GRIN2A: variants seen among roughly 807,000 people sequenced by gnomAD.
GRIN2A encodes glutamate receptor ionotropic, NMDA 2A.
GRIN2A carries 22 observed loss-of-function variants against 113.4 expected under a neutral mutation model. That is an observed-to-expected ratio of 0.19 (90% CI 0.14 to 0.28). GRIN2A has a LOEUF of 0.28. Among genes scored for constraint, GRIN2A ranks in the 10% least tolerant of loss-of-function variants. The probability of loss-of-function intolerance (pLI) is 1.00; values close to 1 mark genes in which losing one functional copy is unlikely to be tolerated. For missense variants in GRIN2A, 1,502 were observed against 1,887.0 expected, an observed-to-expected ratio of 0.80 and a Z score of 3.78; for synonymous variants, 827 against 738.4, an observed-to-expected ratio of 1.12 and a Z score of -1.94.
chr16:9,850,114 G>A (rs1182496685), intron 4 of GRIN2A, among the ~76,000 whole-genome samples, 153 bp from the exon 5 acceptor site: 1 of 152,132 alleles, frequency 6.6e-6, no homozygotes, highest in South Asian at 2.1e-4. Context: ...TAAGACAAAC[G>A]GGCATAAAGA....
At chr16:10,072,816 C>T (rs1276825075) in intron 2 of GRIN2A, among the ~76,000 whole-genome samples, 1 of 152,078 alleles carries the variant, frequency 6.6e-6, no homozygotes, top group African/African-American at 2.4e-5. Flanking sequence ...TCTGTGCTCA[C>T]TGAAGTTTGG....
intron 2 of GRIN2A, among the ~76,000 whole-genome samples, chr16:9,974,541 G>A (rs936893349): frequency 2.6e-5 from 4 of 152,166 alleles, no homozygotes; most frequent in South Asian, 2.1e-4. Flanking sequence ...TTGCTCAGTC[G>A]GGGAGCTCAA....
rs1353328664 is a variant in GRIN2A, at chr16:9,813,295, C to G, written c.2168+8969G>C. ...AAGCAAAACAAATTTGCATATGCACCGACTCAACTTGTATGAATTGTATAT... is the reference window on the plus strand; with the variant it reads ...AAGCAAAACAAATTTGCATATGCACGGACTCAACTTGTATGAATTGTATAT... On this transcript the variant is annotated intron_variant, in intron 10 of 12. Coordinates refer to ENST00000330684, the MANE Select transcript of GRIN2A (RefSeq NM_001134407.3). 2.0e-5 allele frequency among the ~76,000 whole-genome samples: 3 copies of G among 152,050 alleles called. No individual in the cohort carries two copies. The East Asian group carries it at 5.8e-4, about 29-fold the overall frequency.
At chr16:9,952,025 A>G (rs965823162) in intron 2 of GRIN2A, among the ~76,000 whole-genome samples, 1 of 152,042 alleles carries the variant, frequency 6.6e-6, no homozygotes, top group Non-Finnish European at 1.5e-5. Flanking sequence ...GGTATTTCAT[A>G]TTTGCTGCAA....
chr16:10,143,176 G>A (rs1027655184), intron 2 of GRIN2A, among the ~76,000 whole-genome samples: 19 of 152,160 alleles, frequency 1.2e-4, no homozygotes, highest in African/African-American at 4.3e-4. Context: ...TCCAGGCACT[G>A]ACTAACTCTG....
At position 9,906,916 on chromosome 16, in the gene GRIN2A, C is replaced by T. The variant is rs1159715984; in HGVS notation, c.1008-15816G>A. On this transcript the variant is annotated intron_variant, in intron 3 of 12. Coordinates refer to ENST00000330684, the MANE Select transcript of GRIN2A (RefSeq NM_001134407.3). Reference sequence around the variant, plus strand: ...GGAGTGCAGTGGCACAATCACAGCTCACTGCGGCCTCAACCTCCGGGGCTC... The same window carrying T: ...GGAGTGCAGTGGCACAATCACAGCTTACTGCGGCCTCAACCTCCGGGGCTC... Among the ~76,000 whole-genome samples, 3 of 152,190 alleles carry T rather than the reference C, an allele frequency of 2.0e-5. 1 individual carries two copies. Among genetic ancestry groups the T allele is most frequent in the South Asian group, 4.1e-4 (2 of 4,822 alleles).
At position 10,137,570 on chromosome 16, in the gene GRIN2A, A is replaced by T. The variant is rs532358018; in HGVS notation, c.414+42428T>A. 1.6e-3 allele frequency among the ~76,000 whole-genome samples: 251 copies of T among 152,274 alleles called. 11 individuals are homozygous for T. Among genetic ancestry groups the T allele is most frequent in the Non-Finnish European group, 1.8e-3 (122 of 68,014 alleles). On this transcript the variant is annotated intron_variant, in intron 2 of 12. Coordinates refer to ENST00000330684, the MANE Select transcript of GRIN2A (RefSeq NM_001134407.3). ...TTCAAACTCCATATTCAGGCACTCG[A>T]TTATTCCCGTCAGCTGGCTGTATGG...
At chr16:9,960,527 G>T (rs561778634) in intron 2 of GRIN2A, among the ~76,000 whole-genome samples, 1 of 152,194 alleles carries the variant, frequency 6.6e-6, no homozygotes, top group South Asian at 2.1e-4. Context: ...GCCTAGGTAG[G>T]TAGGGAGAGC....
intron 2 of GRIN2A, among the ~76,000 whole-genome samples, chr16:9,989,695 CAAAT>C (rs1434083420): frequency 2.6e-5 from 4 of 151,790 alleles, no homozygotes; most frequent in South Asian, 2.1e-4. Flanking sequence ...AGAAAAAAAA[CAAAT>C]AACTCCATTA....
In GRIN2A at chr16:9,780,686, C is replaced by T. The variant is rs555146411; in HGVS notation, c.2357-11597G>A. On this transcript the variant is annotated intron_variant, in intron 11 of 12. Transcript: ENST00000330684. ...GGATATTGGGATTTGTGCAATATAA[C>T]GAATGTATGTCATAGTTTATAGAAG... 5.9e-5 allele frequency among the ~76,000 whole-genome samples: 9 copies of T among 151,990 alleles called. No homozygotes were observed. In the South Asian group the frequency reaches 6.2e-4, roughly 11 times the overall value.
At chr16:9,779,060 G>A (rs1901783874) in intron 11 of GRIN2A, among the ~76,000 whole-genome samples, 1 of 152,248 alleles carries the variant, frequency 6.6e-6, no homozygotes, top group East Asian at 1.9e-4. Context: ...CCGAGAAAGA[G>A]AGAATGTGGC....
intron 2 of GRIN2A, among the ~76,000 whole-genome samples, chr16:10,110,366 G>A (rs1299118737): frequency 6.6e-6 from 1 of 152,172 alleles, no homozygotes; most frequent in Non-Finnish European, 1.5e-5. Context: ...AAATAGTTTG[G>A]ATTTTTTAAT....
chr16:10,157,695 G>T (rs2049727490), intron 2 of GRIN2A, among the ~76,000 whole-genome samples: 2 of 152,138 alleles, frequency 1.3e-5, no homozygotes, highest in South Asian at 4.1e-4. Flanking sequence ...ACAGCATGGG[G>T]GAAACAGCCC....
intron 2 of GRIN2A, among the ~76,000 whole-genome samples, chr16:10,075,120 T>C (rs2047843238): frequency 6.6e-6 from 1 of 152,112 alleles, no homozygotes; most frequent in Non-Finnish European, 1.5e-5. Context: ...GGACTTTGCA[T>C]GGGTCCTCTC....
At position 9,854,386 on chromosome 16, in the gene GRIN2A, A is replaced by C. The variant is rs2042934195; in HGVS notation, c.1123-4425T>G. ...AACAGCATCATCCTAACACCATTTT[A>C]AAAAGGGACTCCAGCCACCAGAGTA... On this transcript the variant is annotated intron_variant, in intron 4 of 12. Transcript: ENST00000330684. Among the ~76,000 whole-genome samples, 3 of 152,164 alleles carry C rather than the reference A, an allele frequency of 2.0e-5. No individual in the cohort carries two copies. The East Asian group carries it at 5.8e-4, about 29-fold the overall frequency.
intron 2 of GRIN2A, among the ~76,000 whole-genome samples, chr16:10,066,257 T>C (rs575266779): frequency 8.7e-4 from 132 of 152,254 alleles, no homozygotes; most frequent in African/African-American, 2.9e-3. Flanking sequence ...ACACTGCACA[T>C]CTGGGGAGGG....
chr16:10,114,450 T>C (rs2048689328), intron 2 of GRIN2A, among the ~76,000 whole-genome samples: 1 of 152,180 alleles, frequency 6.6e-6, no homozygotes, highest in African/African-American at 2.4e-5. Context: ...AGGCAGATGC[T>C]GTAGGCCAGT....
At chr16:9,790,516 T>A (rs1465813532) in intron 11 of GRIN2A, among the ~76,000 whole-genome samples, 1 of 152,194 alleles carries the variant, frequency 6.6e-6, no homozygotes, top group Non-Finnish European at 1.5e-5. Context: ...TGCATATATG[T>A]GCCTCATATG....
chr16:9,871,197 C>T (rs1440619386), intron 4 of GRIN2A, among the ~76,000 whole-genome samples: 1 of 152,144 alleles, frequency 6.6e-6, no homozygotes, highest in Non-Finnish European at 1.5e-5. Context: ...TCCACCACTT[C>T]CTCACCTGTC....
Sources: allele counts gnomAD v4.1 joint callset (sites outside exome capture counted in the v4.1 genomes callset), GRCh38; gene constraint gnomAD v4.1.1; transcripts MANE v1.5; gene names NCBI Gene and HGNC (gene_info 2026-07-23, HGNC 2026-07-21).